MAP3K13: variants seen among roughly 807,000 people sequenced by gnomAD.
MAP3K13 encodes the protein mitogen-activated protein kinase kinase kinase 13, also known as leucine zipper-bearing kinase.
MAP3K13 carries 52 observed loss-of-function variants against 104.0 expected under a neutral mutation model. That is an observed-to-expected ratio of 0.50 (90% CI 0.40 to 0.63). The LOEUF (loss-of-function observed/expected upper bound fraction) is 0.63, where lower values mean the gene tolerates loss of function less well. MAP3K13 is among the 20% of genes least tolerant of loss of function. The pLI, the probability that MAP3K13 is intolerant of heterozygous loss-of-function variation, is 0.00. For missense variants in MAP3K13, 914 were observed against 1,218.5 expected, an observed-to-expected ratio of 0.75 and a Z score of 3.72; for synonymous variants, 394 against 442.2, an observed-to-expected ratio of 0.89 and a Z score of 1.37.
At chr3:185,350,099 A>G (rs1723081976) in intron 2 of MAP3K13, among the ~76,000 whole-genome samples, 1 of 152,256 alleles carries the variant, frequency 6.6e-6, no homozygotes, top group Admixed American at 6.5e-5. Context: ...ATTAGGTTCA[A>G]CAGAGCACTT....
chr3:185,467,731 T>C (rs1291669565), intron 10 of MAP3K13, among the ~76,000 whole-genome samples: 1 of 145,984 alleles, frequency 6.9e-6, no homozygotes, highest in Admixed American at 7.1e-5. Context: ...TGCAGTGAGC[T>C]GAGATCATGC....
rs929428486 is a variant in MAP3K13 at position 185,408,292 on chromosome 3, G to A, written c.-85-20205G>A. ...ATAAAATGCCAATTCGGCCAGGTGCGGTGGCTCACACCTGTAATCCCAGCC... is the reference window on the plus strand; with the variant it reads ...ATAAAATGCCAATTCGGCCAGGTGCAGTGGCTCACACCTGTAATCCCAGCC... On this transcript the variant is annotated intron_variant, in intron 1 of 13. Coordinates refer to ENST00000265026, the MANE Select transcript of MAP3K13 (RefSeq NM_004721.5). 5.3e-5 allele frequency among the ~76,000 whole-genome samples: 8 copies of A among 152,010 alleles called. No individual in the cohort carries two copies. In the East Asian group the frequency reaches 5.8e-4, roughly 11 times the overall value.
intron 12 of MAP3K13, 22 bp downstream of exon 12, chr3:185,477,418 G>C (rs1718193244): frequency 1.3e-6 from 2 of 1,586,312 alleles, no homozygotes; most frequent in Non-Finnish European, 1.7e-6. Flanking sequence ...AAATGCACAC[G>C]ATTGCTTTTA....
intron 1 of MAP3K13, among the ~76,000 whole-genome samples, chr3:185,373,515 G>A (rs187048012): frequency 2.6e-5 from 4 of 152,156 alleles, no homozygotes; most frequent in African/African-American, 9.6e-5. Context: ...GGTGGCATAC[G>A]CCTGTAATCC....
chr3:185,454,707 C>T (rs796335654), intron 7 of MAP3K13, among the ~76,000 whole-genome samples: 755 of 6,984 alleles, frequency 0.11, 225 homozygotes, highest in Middle Eastern at 0.33. Context: ...ATATATATAT[C>T]ATATATGAGA....
At chr3:185,349,980 C>CCTT in intron 2 of MAP3K13, among the ~76,000 whole-genome samples, 1 of 152,256 alleles carries the variant, frequency 6.6e-6, no homozygotes, top group East Asian at 1.9e-4. Context: ...GGGGCCAAAG[C>CCTT]CTTCTGAGGT....
intron 1 of MAP3K13, among the ~76,000 whole-genome samples, chr3:185,410,416 A>G (rs1457460996): frequency 6.6e-6 from 1 of 152,202 alleles, no homozygotes; most frequent in African/African-American, 2.4e-5. Context: ...TAAATTCTAC[A>G]GCTATAGCGT....
At chr3:185,429,185 C>T (rs1714606880) in intron 2 of MAP3K13, 129 bp downstream of exon 2, 1 of 830,768 alleles carries the variant, frequency 1.2e-6, no homozygotes, top group Non-Finnish European at 1.8e-6. Context: ...ATGAATACCT[C>T]ATTTCAGTTT....
intron 1 of MAP3K13, among the ~76,000 whole-genome samples, chr3:185,397,022 C>T (rs555744553): frequency 7.3e-6 from 1 of 136,272 alleles, no homozygotes; most frequent in Non-Finnish European, 1.6e-5. Flanking sequence ...CCCTGCTTTT[C>T]GTATTCATTC....
intron 2 of MAP3K13, chr3:185,291,609 C>T: frequency 1.3e-6 from 2 of 1,510,652 alleles, no homozygotes; most frequent in Non-Finnish European, 1.8e-6. Flanking sequence ...GTTTTGTTTT[C>T]AAGCATCAAG....
At chr3:185,381,838 G>A (rs1724736337) in intron 1 of MAP3K13, among the ~76,000 whole-genome samples, 1 of 152,194 alleles carries the variant, frequency 6.6e-6, no homozygotes, top group Non-Finnish European at 1.5e-5. Flanking sequence ...GTTATGTATT[G>A]ATCAGTTGAC....
Position 185,315,035 on chromosome 3 carries a change from G to A in MAP3K13, c.-86+29392G>A, listed in dbSNP as rs1560044232. On this transcript the variant is annotated intron_variant, in intron 2 of 14. Transcript: ENST00000424227. This position sits in a 1 kb window ranked among gnomAD's most constrained non-coding sequence, Gnocchi z 4.3. ...TGGGAGGCTGAGGCAGGCGCATCAC[G>A]AAGTCAGGAGTTTGAGACCAGCCTG... Among the ~76,000 whole-genome samples the A allele has an allele frequency of 2.0e-5, 3 of 152,018 alleles. No individual in the cohort carries two copies. Among genetic ancestry groups the A allele is most frequent in the South Asian group, 4.1e-4 (2 of 4,822 alleles).
At chr3:185,476,575 G>A (rs1254615495) in intron 11 of MAP3K13, 1 of 152,264 alleles carries the variant, frequency 6.6e-6, no homozygotes, top group East Asian at 1.9e-4. Flanking sequence ...CTTGGTGTGA[G>A]ATGAGTTCTC....
intron 2 of MAP3K13, among the ~76,000 whole-genome samples, chr3:185,287,481 G>A (rs956597538): frequency 6.6e-6 from 1 of 152,128 alleles, no homozygotes; most frequent in African/African-American, 2.4e-5. Context: ...CCTTGGGAAT[G>A]CAGCAGAAAA....
Position 185,454,636 on chromosome 3 carries a change from T to A in MAP3K13, c.1278+3241T>A, listed in dbSNP as rs1306533128. Among the ~76,000 whole-genome samples the A allele has an allele frequency of 9.8e-5, 5 of 50,898 alleles. 1 individual carries two copies. The highest frequency in any genetic ancestry group is 3.3e-4 in the African/African-American group (5 of 15,314). 33.4% of individuals were successfully genotyped at this position (50,898 alleles called of 152,430 possible). A position where few individuals can be genotyped will look rare whatever the true frequency, so the allele number is the denominator to read the frequency against. On this transcript the variant is annotated intron_variant, in intron 7 of 13. Transcript: ENST00000265026. ...ATGATATATATATGAGATATATATA[T>A]GAGATATATATATGATATATATATG...
intron 1 of MAP3K13, among the ~76,000 whole-genome samples, chr3:185,411,096 A>G (rs1343393703): frequency 6.6e-6 from 1 of 152,144 alleles, no homozygotes; most frequent in African/African-American, 2.4e-5. Flanking sequence ...TGTTAGGTAA[A>G]AGGGCCCTTG....
intron 1 of MAP3K13, among the ~76,000 whole-genome samples, chr3:185,427,413 C>G (rs187545054): frequency 6.6e-6 from 1 of 151,988 alleles, no homozygotes; most frequent in African/African-American, 2.4e-5. Context: ...ATTGACTATG[C>G]GTGATCTGGC....
intron 2 of MAP3K13, among the ~76,000 whole-genome samples, chr3:185,307,867 T>C (rs949033359): frequency 6.6e-6 from 1 of 152,044 alleles, no homozygotes; most frequent in Admixed American, 6.6e-5. Flanking sequence ...ATCTCTTTGT[T>C]GGTATTTTCA....
intron 1 of MAP3K13, among the ~76,000 whole-genome samples, chr3:185,413,687 C>T (rs1713578975): frequency 6.6e-6 from 1 of 151,978 alleles, no homozygotes; most frequent in African/African-American, 2.4e-5. Flanking sequence ...CTGGGTGTGG[C>T]AGCACGCACC....
Sources: gnomAD v4.1 joint callset for allele counts (sites outside exome capture counted in the v4.1 genomes callset) on GRCh38, gnomAD v4.1.1 for gene constraint, Gnocchi (gnomAD v3.1) non-coding constraint, MANE v1.5 for transcripts, NCBI Gene and HGNC (gene_info 2026-07-23, HGNC 2026-07-21) for gene names.